MCUB: variants seen among roughly 807,000 people sequenced by gnomAD.
MCUB encodes mitochondrial calcium uniporter dominant negative subunit beta, also known as calcium uniporter regulatory subunit MCUb, mitochondrial.
MCUB carries 46 observed loss-of-function variants against 41.4 expected under a neutral mutation model. The ratio of observed to expected loss-of-function variants is 1.11; its 90% confidence interval spans 0.88 to 1.42. The LOEUF (loss-of-function observed/expected upper bound fraction) is 1.42. Ranked by LOEUF, MCUB falls within the 40% of genes most tolerant of loss-of-function variation. MCUB has a pLI of 0.00. For missense variants in MCUB, 403 were observed against 404.9 expected, an observed-to-expected ratio of 1.00 and a Z score of 0.04; for synonymous variants, 148 against 148.2, an observed-to-expected ratio of 1.00 and a Z score of 0.01.
chr4:109,625,315 G>A (rs1356770498), intron 1 of MCUB, among the ~76,000 whole-genome samples: 2 of 152,078 alleles, frequency 1.3e-5, no homozygotes, highest in African/African-American at 4.8e-5. Flanking sequence ...CCATCATCCA[G>A]CAATTAATTT....
chr4:109,562,197 C>G (rs781619471), intron 1 of MCUB, among the ~76,000 whole-genome samples: 3 of 152,158 alleles, frequency 2.0e-5, no homozygotes, highest in Non-Finnish European at 4.4e-5. Context: ...CCATTGCATA[C>G]CTCAGCAGGA....
intron 1 of MCUB, among the ~76,000 whole-genome samples, chr4:109,618,984 C>T (rs2126135172): frequency 6.7e-6 from 1 of 150,032 alleles, no homozygotes; most frequent in Non-Finnish European, 1.5e-5. Flanking sequence ...CTCTCTCTCT[C>T]TCTCTACCTA....
chr4:109,584,608 C>G (rs1002558960), intron 1 of MCUB, among the ~76,000 whole-genome samples: 2 of 152,202 alleles, frequency 1.3e-5, no homozygotes, highest in African/African-American at 4.8e-5. Flanking sequence ...AAATTTCCCT[C>G]CACACATTGC....
chr4:109,658,622 A>C (rs929056690), intron 1 of MCUB, among the ~76,000 whole-genome samples: 1 of 152,022 alleles, frequency 6.6e-6, no homozygotes, highest in African/African-American at 2.4e-5. Context: ...AATTAGCCCC[A>C]AGATGCTCCT....
chr4:109,582,021 A>G (rs1227200759), intron 1 of MCUB, among the ~76,000 whole-genome samples: 1 of 152,168 alleles, frequency 6.6e-6, no homozygotes, highest in Admixed American at 6.5e-5. Flanking sequence ...CAGCCATCCC[A>G]TTGCTGGGTA....
rs1365357782 is a variant in MCUB at position 109,688,592 on chromosome 4, G to T, written c.*1000G>T. The T allele has an allele frequency of 6.6e-6, 1 of 152,064 alleles. No individual in the cohort carries two copies. Among genetic ancestry groups the T allele is most frequent in the Non-Finnish European group, 1.5e-5 (1 of 68,004 alleles). The allele number at this position is 152,064 out of a possible 1,614,324, so 9.4% of individuals were successfully genotyped here. A position where few individuals can be genotyped will look rare whatever the true frequency, so the allele number is the denominator to read the frequency against. ...AAAAACATCTATCAATTACACAAAT[G>T]AACAAGAATGTGAGTTAGAAAAATG... On this transcript the variant is annotated 3_prime_UTR_variant, in exon 8 of 8. Coordinates refer to ENST00000394650, the MANE Select transcript of MCUB (RefSeq NM_017918.5).
Position 109,624,967 on chromosome 4 carries a change from C to T in MCUB, c.100-34044C>T, listed in dbSNP as rs556526224. The stretch of plus-strand genomic sequence containing the variant: ...CCAGCCTAGCCAACATGGTGAACCC[C>T]CGCCTCTACTAAAAATACAAAAATT... On this transcript the variant is annotated intron_variant, in intron 1 of 7. Transcript: ENST00000394650. Among the ~76,000 whole-genome samples the T allele has an allele frequency of 2.7e-3, 417 of 152,152 alleles. 4 individuals carry two copies. In the Middle Eastern group the frequency reaches 0.031, roughly 11 times the overall value.
At chr4:109,582,337 T>A (rs1190375439) in intron 1 of MCUB, among the ~76,000 whole-genome samples, 1 of 123,158 alleles carries the variant, frequency 8.1e-6, no homozygotes, top group Non-Finnish European at 1.6e-5. Context: ...TGAGAACACA[T>A]GGACACAGGA....
At chr4:109,672,197 T>C (rs1256834473) in intron 4 of MCUB, among the ~76,000 whole-genome samples, 1 of 152,314 alleles carries the variant, frequency 6.6e-6, no homozygotes, top group African/African-American at 2.4e-5. Flanking sequence ...AGTTGACTAA[T>C]TGCCCTTTCT....
At chr4:109,631,898 G>A (rs970276821) in intron 1 of MCUB, among the ~76,000 whole-genome samples, 5 of 152,144 alleles carry the variant, frequency 3.3e-5, no homozygotes, top group Non-Finnish European at 7.3e-5. Flanking sequence ...TCTTCTGGCT[G>A]GTTTCCTCCC....
intron 1 of MCUB, among the ~76,000 whole-genome samples, chr4:109,628,075 G>A (rs1561232557): frequency 6.6e-6 from 1 of 152,136 alleles, no homozygotes; most frequent in Non-Finnish European, 1.5e-5. Context: ...GAGTCCTGGG[G>A]CAGGAGCAAC....
chr4:109,593,129 C>A (rs1431121270), intron 1 of MCUB, among the ~76,000 whole-genome samples: 1 of 152,160 alleles, frequency 6.6e-6, no homozygotes, highest in East Asian at 1.9e-4. Flanking sequence ...ATGCGTGCAT[C>A]TTTCTCGTGT....
intron 1 of MCUB, among the ~76,000 whole-genome samples, chr4:109,635,030 C>T (rs929475639): frequency 6.6e-6 from 1 of 151,970 alleles, no homozygotes; most frequent in African/African-American, 2.4e-5. Context: ...TCAACTCCTG[C>T]TTATGAGTTA....
intron 1 of MCUB, among the ~76,000 whole-genome samples, chr4:109,574,028 C>G (rs910713783): frequency 6.6e-6 from 1 of 151,746 alleles, no homozygotes; most frequent in African/African-American, 2.4e-5. Flanking sequence ...GCGCCACCAC[C>G]ATGCCCGGCT....
Position 109,637,082 on chromosome 4 carries a change from G to C in MCUB, c.100-21929G>C, listed in dbSNP as rs139283544. On this transcript the variant is annotated intron_variant, in intron 1 of 7. Transcript: ENST00000394650. ...TCAAGTCATTTAGCTATGGAAGGAA[G>C]AGGAAGCAGGCATAGAGAAAGGGCA... is the stretch of plus-strand genomic sequence containing the variant. Among the ~76,000 whole-genome samples, 604 of 152,288 alleles carry C rather than the reference G, an allele frequency of 4.0e-3. 1 individual carries two copies. Among genetic ancestry groups the C allele is most frequent in the African/African-American group, 0.013 (561 of 41,556 alleles).
chr4:109,595,205 T>C (rs192958123), intron 1 of MCUB, among the ~76,000 whole-genome samples: 14,671 of 151,584 alleles, frequency 0.097, 153 homozygotes, highest in Non-Finnish European at 0.12. Flanking sequence ...CCATGTTCCC[T>C]TATTCTGTAG....
intron 4 of MCUB, among the ~76,000 whole-genome samples, chr4:109,673,650 TA>T (rs1729508624): frequency 6.6e-6 from 1 of 152,250 alleles, no homozygotes; most frequent in African/African-American, 2.4e-5. Context: ...TCAAAAAAGT[TA>T]TTTAAACTCC....
intron 2 of MCUB, 145 bp downstream of exon 2, chr4:109,659,231 T>C: frequency 1.6e-6 from 1 of 608,382 alleles, no homozygotes; most frequent in East Asian, 2.8e-5. Context: ...CTTCCACCTT[T>C]TTGTGCTCCC....
At chr4:109,603,740 C>T (rs190762465) in intron 1 of MCUB, among the ~76,000 whole-genome samples, 1,905 of 151,396 alleles carry the variant, frequency 0.013, 37 homozygotes, top group African/African-American at 0.038. Flanking sequence ...GGAGCCCCTC[C>T]GCCCGGCAGC....
Sources: gnomAD v4.1 joint callset for allele counts (sites outside exome capture counted in the v4.1 genomes callset) on GRCh38, gnomAD v4.1.1 for gene constraint, MANE v1.5 for transcripts, NCBI Gene and HGNC (gene_info 2026-07-23, HGNC 2026-07-21) for gene names.